RADIL: variants seen among roughly 807,000 people sequenced by gnomAD.
The protein encoded by RADIL is ras-associating and dilute domain-containing protein.
Under a neutral mutation model 97.6 loss-of-function variants are expected in RADIL, and 99 were observed. The observed-to-expected ratio is 1.01, with a 90% CI of 0.86 to 1.20. The LOEUF is 1.20. Ranked by LOEUF, RADIL falls within the 50% of genes most tolerant of loss-of-function variation. The pLI is 0.00. For synonymous variants in RADIL, 803 were observed against 691.8 expected (o/e 1.16, Z -2.52); for missense variants, 1,765 against 1,498.9 (o/e 1.18, Z -2.93).
Position 4,849,878 on chromosome 7 carries a change from T to G in RADIL, c.536-13273A>C, listed in dbSNP as rs1199781131. On this transcript the variant is annotated intron_variant, in intron 2 of 14. Transcript: ENST00000399583. This position sits in a 1 kb window ranked among gnomAD's most constrained non-coding sequence, Gnocchi z 5.4. The stretch of plus-strand genomic sequence containing the variant: ...GTACAAAAATAAAAATCCTAGGTAA[T>G]AAGAAAGTATTATGTCCTAGTTTAA... Among the ~76,000 whole-genome samples, 1 of 152,130 alleles carries G rather than the reference T, an allele frequency of 6.6e-6. No individual in the cohort carries two copies. Among genetic ancestry groups the G allele is most frequent in the East Asian group, 1.9e-4 (1 of 5,188 alleles).
rs773026713 is a variant in RADIL, at chr7:4,834,733, G to A, written c.1290C>T (p.Asp430=). ...RIMTLIEPGG[D]DHKLTPAFLL... The stretch of plus-strand genomic sequence containing the variant: ...GGAAGGCGGGGGTCAGCTTGTGGTC[G>A]TCGCCCCCCGGCTCGATCAACGTCA... The change falls in exon 4 of 15, where the codon GAC becomes GAT. Residue 430 remains aspartate, a synonymous_variant. Coordinates refer to ENST00000399583, the MANE Select transcript of RADIL (RefSeq NM_018059.5). The surrounding 1 kb of genome is among the most constrained non-coding windows in gnomAD (Gnocchi z 6.0). The A allele has an allele frequency of 3.5e-6, 5 of 1,411,782 alleles. No homozygotes were observed. Among genetic ancestry groups the A allele is most frequent in the African/African-American group, 1.5e-5 (1 of 67,788 alleles). The allele number at this position is 1,411,782 out of a possible 1,614,324, so 87.5% of individuals were successfully genotyped here.
In RADIL at chr7:4,809,650, C is replaced by CTT. The variant is rs1562430850; in HGVS notation, c.2140-3935_2140-3934insAA. The stretch of plus-strand genomic sequence containing the variant: ...AACCTGCCCTTTCAGGAGTATTTTA[C>CTT]ATCTTATTTTATTTATTTATTTATT... On this transcript the variant is annotated intron_variant, in intron 9 of 14. Transcript: ENST00000399583. 43 of 948,944 alleles carry CTT rather than the reference C, an allele frequency of 4.5e-5. No homozygotes were observed. The African/African-American group carries it at 8.0e-4, about 18-fold the overall frequency. 58.8% of individuals were successfully genotyped at this position (948,944 alleles called of 1,614,324 possible). A position where few individuals can be genotyped will look rare whatever the true frequency, so the allele number is the denominator to read the frequency against.
chr7:4,873,560 G>C lies in RADIL; in HGVS notation c.535+4045C>G, dbSNP rs1179283862. 6.6e-6 allele frequency among the ~76,000 whole-genome samples: 1 copy of C among 152,208 alleles called. No homozygotes were observed. The highest frequency in any genetic ancestry group is 1.5e-5 in the Non-Finnish European group (1 of 68,036). On this transcript the variant is annotated intron_variant, in intron 2 of 14. Coordinates refer to ENST00000399583, the MANE Select transcript of RADIL (RefSeq NM_018059.5). This position sits in a 1 kb window ranked among gnomAD's most constrained non-coding sequence, Gnocchi z 4.3. ...GCCCTGGCGTGCGCTGGACCTCACT[G>C]GGCCTGCCCTGCAGGGGCAGATGTG...
In RADIL at chr7:4,799,112, G is replaced by A. The variant is rs79582413; in HGVS notation, c.*266C>T. The A allele has an allele frequency of 0.019, 8,652 of 458,874 alleles. 132 individuals are homozygous for A. The highest frequency in any genetic ancestry group is 0.051 in the Middle Eastern group (77 of 1,510). 28.4% of individuals were successfully genotyped at this position (458,874 alleles called of 1,614,324 possible). ...CCCCAGCAGGGCACCCTCTAAGAAC[G>A]GGAAAAATAGTTTATTGAACCGTAC... On this transcript the variant is annotated 3_prime_UTR_variant, in exon 15 of 15. Coordinates refer to ENST00000399583, the MANE Select transcript of RADIL (RefSeq NM_018059.5).
rs994376002 is a variant in RADIL, at chr7:4,824,572, A to T, written c.1455-2018T>A. On this transcript the variant is annotated intron_variant, in intron 5 of 14. Coordinates refer to ENST00000399583, the MANE Select transcript of RADIL (RefSeq NM_018059.5). The surrounding 1 kb of genome is among the most constrained non-coding windows in gnomAD (Gnocchi z 6.7). ...CCCAAAGTGTTGCCTGCTCTCTCTG[A>T]CGTCACTTCACTTTTGTCCACAAAC... is the stretch of plus-strand genomic sequence containing the variant. 3.9e-5 allele frequency among the ~76,000 whole-genome samples: 6 copies of T among 152,036 alleles called. No individual in the cohort carries two copies. The highest frequency in any genetic ancestry group is 7.4e-5 in the Non-Finnish European group (5 of 68,024).
rs536020429 is a variant in RADIL at position 4,822,679 on chromosome 7, T to C, written c.1455-125A>G. 153 of 1,115,458 alleles carry C rather than the reference T, an allele frequency of 1.4e-4. No individual in the cohort carries two copies. The highest frequency in any genetic ancestry group is 9.1e-4 in the Admixed American group (36 of 39,630). The allele number at this position is 1,115,458 out of a possible 1,614,324, so 69.1% of individuals were successfully genotyped here. ...CTGACAACAACTGCAACCATCAACCTGACACTGCTGGGCGGGGACGTTTAA... is the reference window on the plus strand; with the variant it reads ...CTGACAACAACTGCAACCATCAACCCGACACTGCTGGGCGGGGACGTTTAA... On this transcript the variant is annotated intron_variant, in intron 5 of 14. Coordinates refer to ENST00000399583, the MANE Select transcript of RADIL (RefSeq NM_018059.5). This position sits in a 1 kb window ranked among gnomAD's most constrained non-coding sequence, Gnocchi z 5.3.
chr7:4,876,394 A>C (rs1359567376), intron 2 of RADIL, among the ~76,000 whole-genome samples: 1 of 151,930 alleles, frequency 6.6e-6, no homozygotes. Context: ...TCCGCCTCCC[A>C]GGTTCAAGCG....
In RADIL at chr7:4,819,676, A is replaced by G. The variant is rs998620771; in HGVS notation, c.1616-2325T>C. ...AACAGCCACGTGACCCACCCTCGGG[A>G]CGCGACAGCCCTGCTCTCCGAATTC... On this transcript the variant is annotated intron_variant, in intron 6 of 14. Coordinates refer to ENST00000399583, the MANE Select transcript of RADIL (RefSeq NM_018059.5). This position sits in a 1 kb window ranked among gnomAD's most constrained non-coding sequence, Gnocchi z 5.8. Among the ~76,000 whole-genome samples, 11 of 152,164 alleles carry G rather than the reference A, an allele frequency of 7.2e-5. No individual in the cohort carries two copies. Among genetic ancestry groups the G allele is most frequent in the Non-Finnish European group, 1.5e-4 (10 of 68,014 alleles).
chr7:4,875,307 C>T (rs1436799710), intron 2 of RADIL, among the ~76,000 whole-genome samples: 3 of 150,176 alleles, frequency 2.0e-5, no homozygotes, highest in Non-Finnish European at 4.4e-5. Flanking sequence ...GCAGGAGAAT[C>T]GTTTGAACCT....
At chr7:4,826,902 GAACA>G (rs1288406367) in intron 5 of RADIL, among the ~76,000 whole-genome samples, 2 of 152,150 alleles carry the variant, frequency 1.3e-5, no homozygotes, top group Non-Finnish European at 2.9e-5. Context: ...TAAGACAGGT[GAACA>G]AACAATGGCT....
rs192442161 is a variant in RADIL, at chr7:4,815,446, G to T, written c.1971C>A (p.Pro657=). ...LLLNQLLDRG[P]SLSCFHWPRG... ...TGGGCCAGTGGAAGCAGCTCAGGGA[G>T]GGGCCTGTGGAGGGAAGAAGGGAGG... The change falls in exon 9 of 15, where the codon CCC becomes CCA. Residue 657 remains proline, a synonymous_variant. Coordinates refer to ENST00000399583, the MANE Select transcript of RADIL (RefSeq NM_018059.5). The surrounding 1 kb of genome is among the most constrained non-coding windows in gnomAD (Gnocchi z 8.0). The T allele has an allele frequency of 4.9e-5, 74 of 1,514,460 alleles. No homozygotes were observed. Among genetic ancestry groups the T allele is most frequent in the Non-Finnish European group, 6.5e-5 (73 of 1,128,328 alleles). The allele number at this position is 1,514,460 out of a possible 1,614,324, so 93.8% of individuals were successfully genotyped here.
rs1315558120 is a variant in RADIL at position 4,878,241 on chromosome 7, G to A, written c.-64-38C>T. ...GTGAGAGAGGTTAGCGCCAACCATC[G>A]TGACCACCAAGAGCAAATGAGGCCA... On this transcript the variant is annotated intron_variant, in intron 1 of 14. Transcript: ENST00000399583. This position sits in a 1 kb window ranked among gnomAD's most constrained non-coding sequence, Gnocchi z 4.1. 4 of 1,290,960 alleles carry A rather than the reference G, an allele frequency of 3.1e-6. No individual in the cohort carries two copies. The highest frequency in any genetic ancestry group is 1.5e-5 in the South Asian group (1 of 64,834). 80.0% of individuals were successfully genotyped at this position (1,290,960 alleles called of 1,614,324 possible).
In RADIL at chr7:4,835,623, C is replaced by CACCCCCAGTGTGGGAGCACT; in HGVS notation, c.784-404_784-385dup. ...AGCACTGCCGCCTGTGTGGGAGCAC[C>CACCCCCAGTGTGGGAGCACT]ACCCCCAGTGTGGGAGCACTGCCGC... On this transcript the variant is annotated intron_variant, in intron 3 of 14. Transcript: ENST00000399583. The surrounding 1 kb of genome is among the most constrained non-coding windows in gnomAD (Gnocchi z 5.8). Among the ~76,000 whole-genome samples, 1 of 151,238 alleles carries CACCCCCAGTGTGGGAGCACT rather than the reference C, an allele frequency of 6.6e-6. No homozygotes were observed. The highest frequency in any genetic ancestry group is 2.0e-4 in the East Asian group (1 of 5,062).
Position 4,822,026 on chromosome 7 carries a change from C to A in RADIL, c.1615+368G>T, listed in dbSNP as rs1211259867. Among the ~76,000 whole-genome samples, 2 of 152,122 alleles carry A rather than the reference C, an allele frequency of 1.3e-5. No homozygotes were observed. The highest frequency in any genetic ancestry group is 1.3e-4 in the Admixed American group (2 of 15,264). ...CCGACGCTCTCTCTACCGCCCCTTA[C>A]ATTTGGTTCACGGTGGCATCTGTGT... On this transcript the variant is annotated intron_variant, in intron 6 of 14. Coordinates refer to ENST00000399583, the MANE Select transcript of RADIL (RefSeq NM_018059.5). This position sits in a 1 kb window ranked among gnomAD's most constrained non-coding sequence, Gnocchi z 5.3.
At chr7:4,869,676 G>A (rs1415958160) in intron 2 of RADIL, among the ~76,000 whole-genome samples, 1 of 151,762 alleles carries the variant, frequency 6.6e-6, no homozygotes, top group East Asian at 1.9e-4. Flanking sequence ...TCTCTCTTCT[G>A]TTCCATTGCT....
Position 4,801,708 on chromosome 7 carries a change from C to T in RADIL, c.2787G>A (p.Ala929=), listed in dbSNP as rs754192211. The T allele has an allele frequency of 1.7e-5, 27 of 1,609,838 alleles. No homozygotes were observed. Among genetic ancestry groups the T allele is most frequent in the Admixed American group, 5.0e-5 (3 of 59,702 alleles). Reference sequence around the variant, plus strand: ...GTCCGTTCCTCTGCCTCTCTGGGAGCGCTTTTCCACAGGGGCCGCCGGACT... The same window carrying T: ...GTCCGTTCCTCTGCCTCTCTGGGAGTGCTTTTCCACAGGGGCCGCCGGACT... The part of the protein sequence containing the change: ...WPESGGPCGK[A]LPERQRNGLS... Residue 929 remains alanine, a synonymous_variant, in exon 12 of 15, where the codon GCG becomes GCA. Coordinates refer to ENST00000399583, the MANE Select transcript of RADIL (RefSeq NM_018059.5).
chr7:4,815,283 T>C lies in RADIL; in HGVS notation c.2134A>G (p.Ile712Val), dbSNP rs1318399698. 2 of 1,555,922 alleles carry C rather than the reference T, an allele frequency of 1.3e-6. No homozygotes were observed. The highest frequency in any genetic ancestry group is 2.7e-5 in the African/African-American group (2 of 73,540). ...CCTCCCATGCGCACCCCTACCTGGA[T>C]GAGCTGGGCCCTGGGTGTGGCCAGC... is the stretch of plus-strand genomic sequence containing the variant. Reference protein sequence around the residue: ...NLLATPRAQLIQMSWTALRAA... With the variant: ...NLLATPRAQLVQMSWTALRAA... The change falls in exon 9 of 15, where the codon ATC becomes GTC. Residue 712 changes from isoleucine to valine, a missense_variant. Ile to Val is a conservative substitution (Grantham distance 29). Coordinates refer to ENST00000399583, the MANE Select transcript of RADIL (RefSeq NM_018059.5). The surrounding 1 kb of genome is among the most constrained non-coding windows in gnomAD (Gnocchi z 8.0).
intron 2 of RADIL, among the ~76,000 whole-genome samples, chr7:4,852,672 G>A (rs1783737606): frequency 6.6e-6 from 1 of 152,160 alleles, no homozygotes; most frequent in South Asian, 2.1e-4. Context: ...AGCACAGAGT[G>A]GCTGGGATTA....
In RADIL at chr7:4,824,305, C is replaced by A. The variant is rs112170944; in HGVS notation, c.1455-1751G>T. On this transcript the variant is annotated intron_variant, in intron 5 of 14. Coordinates refer to ENST00000399583, the MANE Select transcript of RADIL (RefSeq NM_018059.5). This position sits in a 1 kb window ranked among gnomAD's most constrained non-coding sequence, Gnocchi z 6.7. Reference sequence around the variant, plus strand: ...CCCAGTCCCGGGGCAGAGCCAGGCTCAAGGCTGGACGGCCGTCAGAGTGAC... The same window carrying A: ...CCCAGTCCCGGGGCAGAGCCAGGCTAAAGGCTGGACGGCCGTCAGAGTGAC... Among the ~76,000 whole-genome samples the A allele has an allele frequency of 6.6e-6, 1 of 152,218 alleles. No homozygotes were observed.
Sources: gnomAD v4.1 joint callset for allele counts (sites outside exome capture counted in the v4.1 genomes callset) on GRCh38, gnomAD v4.1.1 for gene constraint, Gnocchi (gnomAD v3.1) non-coding constraint, MANE v1.5 for transcripts, NCBI Gene and HGNC (gene_info 2026-07-23, HGNC 2026-07-21) for gene names.